The following DAPK1 variants were observed in gnomAD, a reference collection of about 807,000 sequenced individuals.
The protein encoded by DAPK1 is death associated protein kinase 1, also known as death-associated protein kinase 1.
DAPK1 carries 56 observed loss-of-function variants against 144.9 expected under a neutral mutation model. That is an observed-to-expected ratio of 0.39 (90% CI 0.31 to 0.48). The LOEUF is 0.48. Among genes scored for constraint, DAPK1 ranks in the 20% least tolerant of loss-of-function variants. The pLI, the probability that DAPK1 is intolerant of heterozygous loss-of-function variation, is 0.95. For synonymous variants in DAPK1, 690 were observed against 749.0 expected (o/e 0.92, Z 1.29); for missense variants, 1,454 against 1,875.4 (o/e 0.78, Z 4.15).
intron 22 of DAPK1, 156 bp from the exon 23 acceptor site, chr9:87,698,500 G>T (rs982937112): frequency 3.1e-6 from 2 of 643,714 alleles, no homozygotes; most frequent in African/African-American, 3.6e-5. Context: ...GGGTCACAGT[G>T]CACAGCAGGC....
At chr9:87,518,078 C>T (rs926772251) in intron 2 of DAPK1, among the ~76,000 whole-genome samples, 3 of 149,616 alleles carry the variant, frequency 2.0e-5, no homozygotes, top group African/African-American at 7.4e-5. Flanking sequence ...AGTTGTTTGC[C>T]CTGGAATATT....
At chr9:87,662,191 T>A (rs981480419) in intron 18 of DAPK1, among the ~76,000 whole-genome samples, 3 of 152,218 alleles carry the variant, frequency 2.0e-5, no homozygotes, top group Admixed American at 6.5e-5. Flanking sequence ...TATCTGTTTT[T>A]ATGTGGGTAC....
At chr9:87,605,252 C>A in intron 3 of DAPK1, 77 bp downstream of exon 3, 1 of 1,193,148 alleles carries the variant, frequency 8.4e-7, no homozygotes. Flanking sequence ...CTGGACCACG[C>A]CACAGCGAGC....
chr9:87,562,369 C>G (rs1383951415), intron 2 of DAPK1, among the ~76,000 whole-genome samples: 1 of 152,178 alleles, frequency 6.6e-6, no homozygotes, highest in African/African-American at 2.4e-5. Flanking sequence ...TGGAAAGTTG[C>G]AATCACATTG....
chr9:87,543,590 T>G (rs1826131754), intron 2 of DAPK1, among the ~76,000 whole-genome samples: 1 of 152,152 alleles, frequency 6.6e-6, no homozygotes, highest in African/African-American at 2.4e-5. Context: ...TTATCTGAGG[T>G]TTTTCTAAAT....
chr9:87,676,972 C>T (rs1427066075), intron 19 of DAPK1, among the ~76,000 whole-genome samples: 7 of 152,204 alleles, frequency 4.6e-5, no homozygotes, highest in African/African-American at 1.7e-4. Context: ...TGGGCAAGTG[C>T]CTTGGCCTCT....
At chr9:87,632,652 G>GTACC (rs1296907031) in intron 3 of DAPK1, 8 of 983,142 alleles carry the variant, frequency 8.1e-6, no homozygotes, top group Non-Finnish European at 4.8e-6. Context: ...AGGAGGATGA[G>GTACC]TACCTGTGTA....
chr9:87,660,838 A>AT (rs1284646843), intron 18 of DAPK1, among the ~76,000 whole-genome samples: 4 of 151,662 alleles, frequency 2.6e-5, no homozygotes, highest in East Asian at 1.9e-4. Flanking sequence ...TTTATTTTTT[A>AT]TTTTTTTGTT....
chr9:87,662,560 G>GTTTTT (rs71507734), intron 18 of DAPK1, among the ~76,000 whole-genome samples: 1,366 of 31,882 alleles, frequency 0.043, 286 homozygotes, highest in African/African-American at 0.067. Context: ...TATATTCCTA[G>GTTTTT]TTTTTTTTTT....
intron 21 of DAPK1, among the ~76,000 whole-genome samples, chr9:87,691,605 T>C (rs903167101): frequency 6.6e-6 from 1 of 151,914 alleles, no homozygotes; most frequent in Non-Finnish European, 1.5e-5. Flanking sequence ...ACGTTTCTGA[T>C]TTTTTGACGT....
intron 2 of DAPK1, among the ~76,000 whole-genome samples, chr9:87,566,586 T>C (rs973450168): frequency 6.6e-6 from 1 of 152,142 alleles, no homozygotes; most frequent in Admixed American, 6.5e-5. Context: ...ATTTAAAGGA[T>C]CTACCAAAAA....
chr9:87,661,485 T>C (rs779113848), intron 18 of DAPK1, among the ~76,000 whole-genome samples: 1 of 152,160 alleles, frequency 6.6e-6, no homozygotes, highest in Non-Finnish European at 1.5e-5. Flanking sequence ...CTCCAACATC[T>C]GTTATTTTTT....
chr9:87,685,802 T>C (rs913907580), intron 20 of DAPK1, among the ~76,000 whole-genome samples: 2 of 152,202 alleles, frequency 1.3e-5, no homozygotes, highest in African/African-American at 4.8e-5. Context: ...AAAGTTAATA[T>C]CCCTATCATA....
intron 17 of DAPK1, chr9:87,657,523 T>C (rs1830669754): frequency 6.0e-6 from 1 of 165,590 alleles, no homozygotes; most frequent in Non-Finnish European, 1.3e-5. Flanking sequence ...GAACCATGTT[T>C]CTTATCAAAA....
intron 2 of DAPK1, among the ~76,000 whole-genome samples, chr9:87,604,179 G>T (rs1414429607): frequency 1.3e-5 from 2 of 152,052 alleles, no homozygotes; most frequent in Non-Finnish European, 2.9e-5. Context: ...TGAGGGGGGG[G>T]TTCTGTCACA....
intron 2 of DAPK1, among the ~76,000 whole-genome samples, chr9:87,564,076 G>A (rs1191978112): frequency 2.6e-5 from 4 of 152,166 alleles, no homozygotes; most frequent in Admixed American, 1.3e-4. Context: ...GTGCTTCTCC[G>A]GATTCCCTCT....
Position 87,602,942 on chromosome 9 carries a change from C to G in DAPK1, c.63-2012C>G, listed in dbSNP as rs529880462. On this transcript the variant is annotated intron_variant, in intron 2 of 25. Coordinates refer to ENST00000408954, the MANE Select transcript of DAPK1 (RefSeq NM_004938.4). Reference sequence around the variant, plus strand: ...TCTGTTTCTCTCTCTCTCTCTCTCTCTCTCTCAGCTTTTTAGTTTTGAATT... The same window carrying G: ...TCTGTTTCTCTCTCTCTCTCTCTCTGTCTCTCAGCTTTTTAGTTTTGAATT... 2.0e-5 allele frequency among the ~76,000 whole-genome samples: 3 copies of G among 152,092 alleles called. No individual in the cohort carries two copies. The East Asian group carries it at 5.8e-4, about 29-fold the overall frequency.
In DAPK1 at chr9:87,527,748, C is replaced by T. The variant is rs371242723; in HGVS notation, c.62+28609C>T. Reference sequence around the variant, plus strand: ...AGCTTCTTTCTGAACTGTTACTGGCCGGATTATTGGGACTATTCCCAGGTG... The same window carrying T: ...AGCTTCTTTCTGAACTGTTACTGGCTGGATTATTGGGACTATTCCCAGGTG... On this transcript the variant is annotated intron_variant, in intron 2 of 25. Coordinates refer to ENST00000408954, the MANE Select transcript of DAPK1 (RefSeq NM_004938.4). Among the ~76,000 whole-genome samples, 392 of 152,304 alleles carry T rather than the reference C, an allele frequency of 2.6e-3. 3 individuals carry two copies. The highest frequency in any genetic ancestry group is 8.9e-3 in the African/African-American group (369 of 41,558).
At chr9:87,612,754 A>T (rs932028380) in intron 3 of DAPK1, among the ~76,000 whole-genome samples, 3 of 151,568 alleles carry the variant, frequency 2.0e-5, no homozygotes, top group African/African-American at 7.3e-5. Context: ...CATACATCTC[A>T]CTCCCTGCAG....
Sources: gnomAD v4.1 joint callset for allele counts (sites outside exome capture counted in the v4.1 genomes callset) on GRCh38, gnomAD v4.1.1 for gene constraint, MANE v1.5 for transcripts, NCBI Gene and HGNC (gene_info 2026-07-23, HGNC 2026-07-21) for gene names.